The following MXRA7 variants were observed in gnomAD, a reference collection of about 807,000 sequenced individuals.
MXRA7 encodes the protein matrix-remodeling-associated protein 7.
In MXRA7, 18 loss-of-function variants were observed where a neutral mutation model predicts 17.4. The ratio of observed to expected loss-of-function variants is 1.03; its 90% confidence interval spans 0.71 to 1.53. MXRA7 has a LOEUF of 1.53. MXRA7 is among the 40% of genes most tolerant of loss of function. MXRA7 has a pLI of 0.00. For missense variants in MXRA7, 141 were observed against 209.3 expected (o/e 0.67, Z 2.01); for synonymous variants, 70 against 101.7 (o/e 0.69, Z 1.87).
At chr17:76,694,097 C>T (rs1020451001) in intron 1 of MXRA7, among the ~76,000 whole-genome samples, 10 of 152,168 alleles carry the variant, frequency 6.6e-5, no homozygotes, top group Non-Finnish European at 1.0e-4. Flanking sequence ...TCTGGATGGG[C>T]GGGGGCATAG....
intron 1 of MXRA7, among the ~76,000 whole-genome samples, chr17:76,690,651 T>C (rs1039976164): frequency 3.9e-5 from 6 of 151,912 alleles, no homozygotes; most frequent in Non-Finnish European, 7.4e-5. Context: ...GTAGAAAGAA[T>C]GTAACATCCT....
At chr17:76,704,478 TAC>T (rs1416691489) in intron 1 of MXRA7, among the ~76,000 whole-genome samples, 1 of 149,680 alleles carries the variant, frequency 6.7e-6, no homozygotes, top group East Asian at 2.0e-4. Flanking sequence ...GTGCTAGGTT[TAC>T]AGTCGTGAGC....
chr17:76,704,790 A>AAG (rs1412968517), intron 1 of MXRA7, among the ~76,000 whole-genome samples: 1 of 151,204 alleles, frequency 6.6e-6, no homozygotes, highest in East Asian at 2.0e-4. Flanking sequence ...TCAAAAAAAA[A>AAG]AAAAAAAAAA....
chr17:76,707,433 G>C (rs1300645368), intron 1 of MXRA7, among the ~76,000 whole-genome samples: 1 of 151,328 alleles, frequency 6.6e-6, no homozygotes, highest in African/African-American at 2.4e-5. Flanking sequence ...AGTTTCCTGA[G>C]TAGATGGGAT....
downstream of MXRA7, chr17:76,675,682 A>T (rs1050375908): frequency 6.6e-6 from 1 of 152,234 alleles, no homozygotes; most frequent in Non-Finnish European, 1.5e-5. Flanking sequence ...TTGACAAAAC[A>T]CATTAAAACA....
At chr17:76,675,513 G>C (rs2076233661), downstream of MXRA7, 1 of 147,092 alleles carries the variant, frequency 6.8e-6, no homozygotes, top group South Asian at 2.1e-4. Context: ...TCCTGCCTCA[G>C]TCTCCTGAGT....
At chr17:76,692,216 AAG>A (rs1439512231) in intron 1 of MXRA7, among the ~76,000 whole-genome samples, 8 of 149,910 alleles carry the variant, frequency 5.3e-5, no homozygotes, top group African/African-American at 4.8e-5. Flanking sequence ...CTGTCACCAA[AAG>A]AAAAAAAAAA....
chr17:76,681,926 A>T lies in MXRA7; in HGVS notation c.501-1047T>A, dbSNP rs1442636147. 6.6e-6 allele frequency among the ~76,000 whole-genome samples: 1 copy of T among 152,200 alleles called. No individual in the cohort carries two copies. The highest frequency in any genetic ancestry group is 2.4e-5 in the African/African-American group (1 of 41,440). ...GCACTTCCCACAGCAGCTTCAGCGG[A>T]ACCCAGGGACGCCACCAGAGGCATG... On this transcript the variant is annotated intron_variant, in intron 3 of 3. Coordinates refer to ENST00000449428, the MANE Select transcript of MXRA7 (RefSeq NM_198530.4). The surrounding 1 kb of genome is among the most constrained non-coding windows in gnomAD (Gnocchi z 4.7).
intron 2 of MXRA7, among the ~76,000 whole-genome samples, chr17:76,687,650 G>A (rs1284508287): frequency 2.0e-5 from 3 of 152,202 alleles, no homozygotes; most frequent in Admixed American, 2.0e-4. Context: ...CTCATGGCTG[G>A]GGCCTGTGGC....
intron 1 of MXRA7, chr17:76,688,423 G>A (rs1001373450): frequency 3.0e-5 from 41 of 1,371,596 alleles, no homozygotes; most frequent in Admixed American, 1.7e-4. Context: ...CCAAGCCCTC[G>A]GCCTTGGCCT....
At chr17:76,675,929 G>A (rs749137963), downstream of MXRA7, 3 of 151,988 alleles carry the variant, frequency 2.0e-5, no homozygotes, top group Non-Finnish European at 4.4e-5. Context: ...AAGGTAGTGT[G>A]TTGATTGAGC....
chr17:76,678,353 C>T (rs2076257772), downstream of MXRA7, among the ~76,000 whole-genome samples: 2 of 152,190 alleles, frequency 1.3e-5, no homozygotes, highest in Admixed American at 1.3e-4. Flanking sequence ...AATGTTTGCT[C>T]CACGCGGGTT....
intron 1 of MXRA7, among the ~76,000 whole-genome samples, chr17:76,707,045 G>A (rs112429629): frequency 9.5e-4 from 144 of 152,156 alleles, no homozygotes; most frequent in African/African-American, 3.4e-3. Flanking sequence ...GCCATCTGCC[G>A]GTATCGTACA....
intron 1 of MXRA7, among the ~76,000 whole-genome samples, chr17:76,693,485 A>AAG (rs2076499780): frequency 6.6e-6 from 1 of 151,192 alleles, no homozygotes; most frequent in Non-Finnish European, 1.5e-5. Flanking sequence ...CAAAAAAAAA[A>AAG]AAAAAAAAGA....
At chr17:76,691,325 T>A (rs927743276) in intron 1 of MXRA7, among the ~76,000 whole-genome samples, 1 of 152,210 alleles carries the variant, frequency 6.6e-6, no homozygotes, top group Non-Finnish European at 1.5e-5. Flanking sequence ...GGTACCTCCA[T>A]CTGGCTGTTC....
At chr17:76,687,479 G>C in intron 2 of MXRA7, among the ~76,000 whole-genome samples, 1 of 152,334 alleles carries the variant, frequency 6.6e-6, no homozygotes. Flanking sequence ...GCCAACAAAC[G>C]CTGACATCTT....
At chr17:76,677,167 CT>C, downstream of MXRA7, 1 of 157,810 alleles carries the variant, frequency 6.3e-6, no homozygotes. Context: ...TGGTGCATGC[CT>C]GCAATCCCAG....
chr17:76,685,316 T>C lies in MXRA7; in HGVS notation c.407-151A>G, dbSNP rs1206468740. 12 of 630,434 alleles carry C rather than the reference T, an allele frequency of 1.9e-5. No homozygotes were observed. In the East Asian group the frequency reaches 3.3e-4, roughly 17 times the overall value. 39.1% of individuals were successfully genotyped at this position (630,434 alleles called of 1,614,324 possible). On this transcript the variant is annotated intron_variant, in intron 2 of 3. Coordinates refer to ENST00000449428, the MANE Select transcript of MXRA7 (RefSeq NM_198530.4). ...ATCTCACCCCAGCGCCTATACCCCCTCTCGTTCCATAGCTTTCCCTTAAAT... is the reference window on the plus strand; with the variant it reads ...ATCTCACCCCAGCGCCTATACCCCCCCTCGTTCCATAGCTTTCCCTTAAAT...
At chr17:76,698,022 G>A (rs1338045637) in intron 1 of MXRA7, among the ~76,000 whole-genome samples, 1 of 152,172 alleles carries the variant, frequency 6.6e-6, no homozygotes, top group Non-Finnish European at 1.5e-5. Context: ...CAAGGAGATG[G>A]TTCTGCTGTG....
Sources: allele counts gnomAD v4.1 joint callset (sites outside exome capture counted in the v4.1 genomes callset), GRCh38; gene constraint gnomAD v4.1.1; non-coding constraint Gnocchi (gnomAD v3.1); transcripts MANE v1.5; gene names NCBI Gene and HGNC (gene_info 2026-07-23, HGNC 2026-07-21).